EXOC4: variants seen among roughly 807,000 people sequenced by gnomAD.
EXOC4 encodes the protein SEC8-like 1.
EXOC4 carries 71 observed loss-of-function variants against 107.2 expected under a neutral mutation model. The ratio of observed to expected loss-of-function variants is 0.66; its 90% confidence interval spans 0.55 to 0.81. The LOEUF (loss-of-function observed/expected upper bound fraction) is 0.81, where lower values mean the gene tolerates loss of function less well. EXOC4 is among the 30% of genes least tolerant of loss of function. The pLI, the probability that EXOC4 is intolerant of heterozygous loss-of-function variation, is 0.00. For missense variants in EXOC4, 1,108 were observed against 1,189.6 expected (o/e 0.93, Z 1.01); for synonymous variants, 456 against 441.2 (o/e 1.03, Z -0.42).
intron 14 of EXOC4, among the ~76,000 whole-genome samples, chr7:133,984,217 C>T (rs1304449839): frequency 6.6e-6 from 1 of 152,210 alleles, no homozygotes; most frequent in Non-Finnish European, 1.5e-5. Flanking sequence ...CTCTGCAGAG[C>T]TGTGCAGTGT....
chr7:133,623,836 A>C (rs1014669610), intron 9 of EXOC4, among the ~76,000 whole-genome samples: 4 of 152,166 alleles, frequency 2.6e-5, no homozygotes, highest in Non-Finnish European at 4.4e-5. Flanking sequence ...TGACAAGTTT[A>C]GTGGTGGTGG....
intron 10 of EXOC4, among the ~76,000 whole-genome samples, chr7:133,663,311 T>C (rs970112474): frequency 1.9e-4 from 29 of 152,220 alleles, no homozygotes; most frequent in African/African-American, 7.0e-4. Context: ...CAGGGGTTAG[T>C]CATTGGCCAC....
At chr7:133,923,494 A>G (rs942104007) in intron 13 of EXOC4, among the ~76,000 whole-genome samples, 2 of 152,106 alleles carry the variant, frequency 1.3e-5, no homozygotes, top group Non-Finnish European at 2.9e-5. Context: ...ATATGCATTT[A>G]TCTCTTGAAC....
intron 10 of EXOC4, among the ~76,000 whole-genome samples, chr7:133,775,024 CT>C (rs1242011395): frequency 6.6e-6 from 1 of 152,116 alleles, no homozygotes; most frequent in Non-Finnish European, 1.5e-5. Context: ...GTCTTTACCC[CT>C]GGGACTCCAG....
At chr7:133,830,784 A>G (rs886538137) in intron 11 of EXOC4, among the ~76,000 whole-genome samples, 1 of 152,206 alleles carries the variant, frequency 6.6e-6, no homozygotes, top group African/African-American at 2.4e-5. Flanking sequence ...ATTATTAACT[A>G]AAACCTATAC....
At chr7:133,693,413 CCA>C (rs1348212488) in intron 10 of EXOC4, among the ~76,000 whole-genome samples, 1 of 152,126 alleles carries the variant, frequency 6.6e-6, no homozygotes, top group Admixed American at 6.5e-5. Flanking sequence ...TAGATGGTGC[CCA>C]CCCTGCTTGA....
chr7:134,007,589 A>G, intron 16 of EXOC4, 87 bp from the exon 17 acceptor site: 1 of 1,286,748 alleles, frequency 7.8e-7, no homozygotes, highest in Non-Finnish European at 1.1e-6. Context: ...GAGGATTAGA[A>G]GACAGCAATT....
chr7:133,421,851 A>G (rs1797614772), intron 7 of EXOC4, among the ~76,000 whole-genome samples: 2 of 152,184 alleles, frequency 1.3e-5, no homozygotes, highest in African/African-American at 4.8e-5. Context: ...TGCTTCATTC[A>G]TTGAATAGTC....
At chr7:133,925,711 G>A (rs1246352794) in intron 13 of EXOC4, among the ~76,000 whole-genome samples, 1 of 152,072 alleles carries the variant, frequency 6.6e-6, no homozygotes, top group Non-Finnish European at 1.5e-5. Flanking sequence ...AGGTGATAAA[G>A]GTCAAGCAAT....
At chr7:133,813,727 C>A (rs1441139560) in intron 10 of EXOC4, among the ~76,000 whole-genome samples, 1 of 152,146 alleles carries the variant, frequency 6.6e-6, no homozygotes, top group African/African-American at 2.4e-5. Flanking sequence ...TTTTCTTTCA[C>A]ATTGATAACA....
At chr7:134,049,280 A>C (rs1389566788) in intron 17 of EXOC4, among the ~76,000 whole-genome samples, 1 of 152,170 alleles carries the variant, frequency 6.6e-6, no homozygotes, top group Non-Finnish European at 1.5e-5. Context: ...ATCTAGGCAA[A>C]ATAAAGCTTA....
chr7:133,522,921 T>TA (rs1800006905), intron 9 of EXOC4, among the ~76,000 whole-genome samples: 1 of 152,194 alleles, frequency 6.6e-6, no homozygotes, highest in Admixed American at 6.5e-5. Context: ...TTTTAACTCT[T>TA]ACCATGTACG....
the EXOC4 span, among the ~76,000 whole-genome samples, chr7:134,097,917 C>G: frequency 6.6e-6 from 1 of 152,166 alleles, no homozygotes; most frequent in Admixed American, 6.5e-5. Context: ...CTGATCAAAA[C>G]TTAGATGATC....
At chr7:133,858,200 T>A (rs1798459726) in intron 11 of EXOC4, among the ~76,000 whole-genome samples, 1 of 152,160 alleles carries the variant, frequency 6.6e-6, no homozygotes. Flanking sequence ...CCAGGAAGAA[T>A]GAGTTTCCAC....
At chr7:133,776,060 AT>A (rs1321984796) in intron 10 of EXOC4, among the ~76,000 whole-genome samples, 2 of 152,308 alleles carry the variant, frequency 1.3e-5, no homozygotes, top group African/African-American at 4.8e-5. Context: ...ATAAAGCAAA[AT>A]AAGTTGGATA....
intron 9 of EXOC4, among the ~76,000 whole-genome samples, chr7:133,499,867 C>T (rs537357335): frequency 1.3e-5 from 2 of 152,132 alleles, no homozygotes; most frequent in Non-Finnish European, 2.9e-5. Flanking sequence ...CGCTATGCTT[C>T]CTGCACAGCC....
intron 11 of EXOC4, among the ~76,000 whole-genome samples, chr7:133,887,712 G>A (rs1180763882): frequency 1.3e-5 from 2 of 152,134 alleles, no homozygotes; most frequent in Non-Finnish European, 2.9e-5. Context: ...AATAATCAGA[G>A]GCATCTCCTC....
At position 134,064,648 on chromosome 7, in the gene EXOC4, G is replaced by A; in HGVS notation, c.*120G>A. 1 of 639,626 alleles carries A rather than the reference G, an allele frequency of 1.6e-6. No homozygotes were observed. Among genetic ancestry groups the A allele is most frequent in the Non-Finnish European group, 2.5e-6 (1 of 393,622 alleles). 39.6% of individuals were successfully genotyped at this position (639,626 alleles called of 1,614,324 possible). ...TACAGTGATACTTTAGTGGAGAGGA[G>A]GTGTAAGGATTCTTTCTCTCTGGTT... is the stretch of plus-strand genomic sequence containing the variant. On this transcript the variant is annotated 3_prime_UTR_variant, in exon 18 of 18. Transcript: ENST00000253861.
intron 9 of EXOC4, among the ~76,000 whole-genome samples, chr7:133,523,120 A>T (rs1172324744): frequency 6.6e-6 from 1 of 152,208 alleles, no homozygotes. Flanking sequence ...ATGTGCCCAC[A>T]GCTTCATATT....
Sources: gnomAD v4.1 joint callset for allele counts (sites outside exome capture counted in the v4.1 genomes callset) on GRCh38, gnomAD v4.1.1 for gene constraint, MANE v1.5 for transcripts, NCBI Gene and HGNC (gene_info 2026-07-23, HGNC 2026-07-21) for gene names.